Variants in ROR1 observed in about 807,000 individuals in gnomAD.
The protein encoded by ROR1 is ROR family WNT receptor 1.
Under a neutral mutation model 78.8 loss-of-function variants are expected in ROR1, and 19 were observed. The observed-to-expected ratio is 0.24, with a 90% confidence interval of 0.17 to 0.35. The LOEUF is 0.35. ROR1 is among the 10% of genes least tolerant of loss of function. The pLI, the probability that ROR1 is intolerant of heterozygous loss-of-function variation, is 1.00. For missense variants in ROR1, 917 were observed against 1,177.8 expected, an observed-to-expected ratio of 0.78 and a Z score of 3.24; for synonymous variants, 386 against 433.6, an observed-to-expected ratio of 0.89 and a Z score of 1.36.
intron 1 of ROR1, among the ~76,000 whole-genome samples, chr1:63,849,665 A>G (rs540428995): frequency 1.2e-4 from 18 of 152,296 alleles, no homozygotes; most frequent in Admixed American, 2.0e-4. Flanking sequence ...ACCCCACACT[A>G]CAGCCTGAGG....
chr1:63,852,460 C>T (rs964739558), intron 1 of ROR1, among the ~76,000 whole-genome samples: 4 of 152,242 alleles, frequency 2.6e-5, no homozygotes, highest in Non-Finnish European at 5.9e-5. Context: ...TCCATTTCTC[C>T]ACTTCTCCCC....
At chr1:63,789,419 G>A (rs1423465509) in intron 1 of ROR1, 1 of 322,464 alleles carries the variant, frequency 3.1e-6, no homozygotes, top group African/African-American at 2.1e-5. Context: ...ACTGCCTGCT[G>A]TCGGGACTGG....
chr1:64,100,133 A>C (rs1647466284), intron 4 of ROR1, among the ~76,000 whole-genome samples: 1 of 152,138 alleles, frequency 6.6e-6, no homozygotes, highest in South Asian at 2.1e-4. Context: ...AATCATACAC[A>C]ATAGATGTTG....
In ROR1 at chr1:63,893,279, G is replaced by C. The variant is rs189799687; in HGVS notation, c.92-116026G>C. ...TTCCTGCTACCCAGTGATGTCAGAG[G>C]CTTGCTGCTCACAGTCCCCAGCTTA... is the stretch of plus-strand genomic sequence containing the variant. On this transcript the variant is annotated intron_variant, in intron 1 of 8. Coordinates refer to ENST00000371079, the MANE Select transcript of ROR1 (RefSeq NM_005012.4). Among the ~76,000 whole-genome samples the C allele has an allele frequency of 5.3e-5, 8 of 152,224 alleles. No individual in the cohort carries two copies. The East Asian group carries it at 1.5e-3, about 29-fold the overall frequency.
At chr1:64,163,201 T>G (rs1369845394) in intron 8 of ROR1, among the ~76,000 whole-genome samples, 2 of 147,644 alleles carry the variant, frequency 1.4e-5, no homozygotes, top group African/African-American at 2.6e-5. Flanking sequence ...CTGGGCAACA[T>G]GGGGAAACCC....
chr1:64,091,639 C>T (rs1472987428), intron 4 of ROR1, among the ~76,000 whole-genome samples: 1 of 152,068 alleles, frequency 6.6e-6, no homozygotes, highest in Non-Finnish European at 1.5e-5. Flanking sequence ...ACATAATGCC[C>T]ACCTGGTATT....
At chr1:63,806,597 G>A (rs533494642) in intron 1 of ROR1, among the ~76,000 whole-genome samples, 13 of 152,198 alleles carry the variant, frequency 8.5e-5, no homozygotes, top group Non-Finnish European at 1.3e-4. Flanking sequence ...GATTACAGGC[G>A]TGAGCCACCG....
At chr1:64,118,003 C>A (rs1648377401) in intron 4 of ROR1, among the ~76,000 whole-genome samples, 2 of 152,174 alleles carry the variant, frequency 1.3e-5, no homozygotes, top group Admixed American at 6.5e-5. Context: ...GGATTTGAGA[C>A]CAGCCTGGGC....
chr1:63,899,320 C>T (rs940449535), intron 1 of ROR1, among the ~76,000 whole-genome samples: 6 of 152,136 alleles, frequency 3.9e-5, no homozygotes, highest in African/African-American at 1.2e-4. Flanking sequence ...CAGAGTCTCC[C>T]GACCACAAAC....
chr1:63,806,499 AG>A (rs1644830229), intron 1 of ROR1, among the ~76,000 whole-genome samples: 1 of 152,050 alleles, frequency 6.6e-6, no homozygotes, highest in African/African-American at 2.4e-5. Context: ...TTGTATTTTT[AG>A]TAGAGACGGA....
At chr1:63,933,482 G>C (rs567211931) in intron 1 of ROR1, among the ~76,000 whole-genome samples, 2 of 152,262 alleles carry the variant, frequency 1.3e-5, no homozygotes, top group South Asian at 4.2e-4. Flanking sequence ...TGCTCAATAA[G>C]TATTTGCTGA....
At chr1:63,988,390 G>T (rs976519828) in intron 1 of ROR1, among the ~76,000 whole-genome samples, 8 of 152,078 alleles carry the variant, frequency 5.3e-5, no homozygotes, top group African/African-American at 1.7e-4. Flanking sequence ...TTCTTCCTTG[G>T]TATCTCTGAC....
At chr1:63,947,066 G>A (rs890594980) in intron 1 of ROR1, among the ~76,000 whole-genome samples, 6 of 152,156 alleles carry the variant, frequency 3.9e-5, no homozygotes, top group Non-Finnish European at 8.8e-5. Flanking sequence ...CTCCTGACCC[G>A]TGTTCTCCAG....
At chr1:64,136,932 G>T (rs1198558395) in intron 4 of ROR1, among the ~76,000 whole-genome samples, 1 of 151,966 alleles carries the variant, frequency 6.6e-6, no homozygotes, top group Non-Finnish European at 1.5e-5. Flanking sequence ...TCACCCCATG[G>T]ATCCCCCTAA....
rs71056017 is a variant in ROR1 at position 64,014,773 on chromosome 1, T to TATATATATACACAC, written c.163+5398_163+5399insTATATATACACACA. On this transcript the variant is annotated intron_variant, in intron 2 of 8. Transcript: ENST00000371079. The stretch of plus-strand genomic sequence containing the variant: ...ATATATATATATATATATATATATA[T>TATATATATACACAC]ACACATTTTGTCCTGGTTTGCCTTT... Among the ~76,000 whole-genome samples, 64 of 46,974 alleles carry TATATATATACACAC rather than the reference T, an allele frequency of 1.4e-3. 4 individuals carry two copies. The highest frequency in any genetic ancestry group is 9.6e-3 in the East Asian group (3 of 314). 30.8% of individuals were successfully genotyped at this position (46,974 alleles called of 152,430 possible). A position where few individuals can be genotyped will look rare whatever the true frequency, so the allele number is the denominator to read the frequency against.
intron 1 of ROR1, among the ~76,000 whole-genome samples, chr1:63,879,277 A>G (rs1165920032): frequency 6.6e-6 from 1 of 152,176 alleles, no homozygotes; most frequent in Admixed American, 6.5e-5. Context: ...TATAAAATGA[A>G]TCCATACAGA....
Position 64,137,439 on chromosome 1 carries a change from C to A in ROR1, c.553C>A (p.Arg185Ser), listed in dbSNP as rs773146068. 3.1e-6 allele frequency: 5 copies of A among 1,613,780 alleles called. No homozygotes were observed. Among genetic ancestry groups the A allele is most frequent in the Admixed American group, 1.7e-5 (1 of 59,988 alleles). Residue 185 changes from arginine (R) to serine (S), a missense_variant, in exon 5 of 9, where the codon CGC (arginine) becomes AGC (serine). Coordinates refer to ENST00000371079, the MANE Select transcript of ROR1 (RefSeq NM_005012.4). ...GIACARFIGN[R>S]TVYMESLHMQ... is the part of the protein sequence containing the mutation. ...TGCATGTGCAAGATTTATTGGCAAC[C>A]GCACCGTCTATATGGAGTCTTTGCA...
At chr1:64,144,619 A>T (rs1569850254) in intron 7 of ROR1, among the ~76,000 whole-genome samples, 1 of 152,072 alleles carries the variant, frequency 6.6e-6, no homozygotes, top group African/African-American at 2.4e-5. Flanking sequence ...TATCATCCTC[A>T]TGTTATGGAT....
At chr1:63,847,404 G>C (rs1034357791) in intron 1 of ROR1, among the ~76,000 whole-genome samples, 17 of 152,146 alleles carry the variant, frequency 1.1e-4, no homozygotes, top group Non-Finnish European at 2.1e-4. Context: ...TAAGGAGAAA[G>C]ATCAGGTTTG....
Sources: allele counts gnomAD v4.1 joint callset (sites outside exome capture counted in the v4.1 genomes callset), GRCh38; gene constraint gnomAD v4.1.1; transcripts MANE v1.5; gene names NCBI Gene and HGNC (gene_info 2026-07-23, HGNC 2026-07-21).